The following NRG1 variants were observed in gnomAD, a reference collection of about 807,000 sequenced individuals.
NRG1 encodes neuregulin 1.
In NRG1, 18 loss-of-function variants were observed where a neutral mutation model predicts 63.8. That is an observed-to-expected ratio of 0.28 (90% confidence interval 0.19 to 0.42). The LOEUF (loss-of-function observed/expected upper bound fraction) is 0.42, where lower values mean the gene tolerates loss of function less well. Among genes scored for constraint, NRG1 ranks in the 10% least tolerant of loss-of-function variants. The pLI is 1.00. For missense variants in NRG1, 762 were observed against 814.7 expected (o/e 0.94, Z 0.79); for synonymous variants, 302 against 301.3 (o/e 1.00, Z -0.02).
At chr8:32,008,517 A>T (rs1459212649) in intron 1 of NRG1, among the ~76,000 whole-genome samples, 3 of 152,074 alleles carry the variant, frequency 2.0e-5, no homozygotes, top group Non-Finnish European at 4.4e-5. Flanking sequence ...CAAATATTAA[A>T]TATTTTCTTG....
intron 5 of NRG1, among the ~76,000 whole-genome samples, chr8:32,705,132 A>ATT (rs751755810): frequency 4.9e-4 from 68 of 139,988 alleles, no homozygotes; most frequent in Middle Eastern, 3.7e-3. Context: ...GTGACAATGA[A>ATT]TTTTTTTTTT....
At chr8:31,717,184 A>C (rs1464199409) in intron 1 of NRG1, among the ~76,000 whole-genome samples, 1 of 152,108 alleles carries the variant, frequency 6.6e-6, no homozygotes, top group Non-Finnish European at 1.5e-5. Context: ...AGGCAGGTGG[A>C]TCACTTGAGG....
intron 1 of NRG1, among the ~76,000 whole-genome samples, chr8:31,700,372 T>G (rs55972334): frequency 0.22 from 34,060 of 152,056 alleles, 4,843 homozygotes; most frequent in East Asian, 0.67. Flanking sequence ...GTGTCCCAGT[T>G]TCTGAGCAGC....
intron 1 of NRG1, among the ~76,000 whole-genome samples, chr8:32,426,820 C>G (rs1365816276): frequency 1.3e-5 from 2 of 152,190 alleles, no homozygotes; most frequent in Non-Finnish European, 2.9e-5. Context: ...AATGTCAGTA[C>G]AGCAGAAGCA....
At chr8:32,403,916 C>T (rs1247420477) in intron 1 of NRG1, among the ~76,000 whole-genome samples, 1 of 152,238 alleles carries the variant, frequency 6.6e-6, no homozygotes, top group Non-Finnish European at 1.5e-5. Flanking sequence ...ACCCACTCCT[C>T]TTCTGAGGCA....
rs571746753 is a variant in NRG1, at chr8:31,744,842, G to T, written c.37+105411G>T. Among the ~76,000 whole-genome samples the T allele has an allele frequency of 1.7e-3, 263 of 152,042 alleles. 1 individual carries two copies. The highest frequency in any genetic ancestry group is 6.0e-3 in the African/African-American group (248 of 41,534). On this transcript the variant is annotated intron_variant, in intron 1 of 10. Transcript: ENST00000519301. ...AGAAAACAAAATACAGAATTGTGCT[G>T]CTTTTATTCACTGAGTAGTGTTTCA...
intron 1 of NRG1, among the ~76,000 whole-genome samples, chr8:32,164,743 A>G (rs978947555): frequency 9.9e-5 from 15 of 152,208 alleles, no homozygotes; most frequent in African/African-American, 3.6e-4. Flanking sequence ...TTCTCCTTTA[A>G]TCAAAGATGG....
At chr8:32,594,185 C>G (rs910358963) in intron 1 of NRG1, among the ~76,000 whole-genome samples, 13 of 152,150 alleles carry the variant, frequency 8.5e-5, no homozygotes, top group African/African-American at 3.1e-4. Flanking sequence ...GTCTCCATTT[C>G]CTGTTCATGG....
intron 1 of NRG1, among the ~76,000 whole-genome samples, chr8:32,475,457 C>A (rs558011493): frequency 2.5e-4 from 6 of 24,332 alleles, no homozygotes; most frequent in African/African-American, 8.0e-4. Flanking sequence ...GAGAGAGACT[C>A]TGTCTCAAAA....
chr8:32,759,476 T>A (rs1336299213), intron 10 of NRG1, 40 bp downstream of exon 10: 2 of 1,604,892 alleles, frequency 1.2e-6, no homozygotes, highest in South Asian at 2.2e-5. Context: ...TCTCTCAGAA[T>A]GAATTGTTGC....
At chr8:32,267,831 T>C (rs1307914784) in intron 1 of NRG1, among the ~76,000 whole-genome samples, 1 of 152,230 alleles carries the variant, frequency 6.6e-6, no homozygotes, top group Non-Finnish European at 1.5e-5. Context: ...AAAACCATCG[T>C]GCATTTTCCC....
At chr8:32,144,395 G>T (rs191107113) in intron 1 of NRG1, among the ~76,000 whole-genome samples, 1 of 152,144 alleles carries the variant, frequency 6.6e-6, no homozygotes, top group Non-Finnish European at 1.5e-5. Context: ...AGGTGTGTGT[G>T]TGTGTGTGTA....
intron 1 of NRG1, among the ~76,000 whole-genome samples, chr8:32,405,131 C>T (rs2129484928): frequency 1.3e-5 from 2 of 152,258 alleles, no homozygotes; most frequent in Admixed American, 1.3e-4. Flanking sequence ...GTCCCTGTTG[C>T]CTCTGGTCCA....
chr8:32,362,829 T>G (rs1807401926), intron 1 of NRG1, among the ~76,000 whole-genome samples: 1 of 152,182 alleles, frequency 6.6e-6, no homozygotes, highest in Admixed American at 6.5e-5. Context: ...AGCACAGATT[T>G]AACTCTTCTC....
intron 1 of NRG1, among the ~76,000 whole-genome samples, chr8:32,499,810 C>A (rs1401288318): frequency 6.6e-6 from 1 of 152,146 alleles, no homozygotes; most frequent in African/African-American, 2.4e-5. Context: ...CTGAGTGGTC[C>A]AAACTACGGT....
chr8:31,912,206 A>G (rs1235242102), intron 1 of NRG1, among the ~76,000 whole-genome samples: 4 of 152,212 alleles, frequency 2.6e-5, no homozygotes, highest in African/African-American at 9.6e-5. Flanking sequence ...TAACTATAAA[A>G]CATTGAATAA....
chr8:32,109,966 T>A (rs1831790833), intron 1 of NRG1, among the ~76,000 whole-genome samples: 1 of 152,176 alleles, frequency 6.6e-6, no homozygotes, highest in African/African-American at 2.4e-5. Flanking sequence ...CAAATTCAAC[T>A]TCTCTGAGTC....
intron 1 of NRG1, among the ~76,000 whole-genome samples, chr8:32,551,096 C>T (rs1265367140): frequency 6.6e-6 from 1 of 152,104 alleles, no homozygotes; most frequent in Non-Finnish European, 1.5e-5. Flanking sequence ...TGTCATTTTC[C>T]TTATAATGGT....
chr8:32,307,311 G>A (rs1856300477), intron 1 of NRG1, among the ~76,000 whole-genome samples: 1 of 152,114 alleles, frequency 6.6e-6, no homozygotes, highest in African/African-American at 2.4e-5. Flanking sequence ...TGGGAAAAGG[G>A]TGGTTCTCCT....
Sources: allele counts gnomAD v4.1 joint callset (sites outside exome capture counted in the v4.1 genomes callset), GRCh38; gene constraint gnomAD v4.1.1; transcripts MANE v1.5; gene names NCBI Gene and HGNC (gene_info 2026-07-23, HGNC 2026-07-21).